Variants in MACROD2 observed in about 807,000 individuals in gnomAD.
The protein encoded by MACROD2 is ADP-ribose glycohydrolase MACROD2.
A neutral mutation model predicts 70.4 loss-of-function variants in MACROD2; 36 were observed. That is an observed-to-expected ratio of 0.51 (90% confidence interval 0.39 to 0.68). The LOEUF (loss-of-function observed/expected upper bound fraction) is 0.68. Among genes scored for constraint, MACROD2 ranks in the 30% least tolerant of loss-of-function variants. The pLI, the probability that MACROD2 is intolerant of heterozygous loss-of-function variation, is 0.00. For synonymous variants in MACROD2, 172 were observed against 178.8 expected (o/e 0.96, Z 0.30); for missense variants, 496 against 538.4 (o/e 0.92, Z 0.78).
At chr20:14,837,496 G>A (rs899108563) in intron 5 of MACROD2, among the ~76,000 whole-genome samples, 8 of 151,950 alleles carry the variant, frequency 5.3e-5, no homozygotes, top group Admixed American at 2.6e-4. Context: ...TCAATAATGT[G>A]TTTCCTCCCA....
At chr20:14,557,204 C>T (rs943052486) in intron 4 of MACROD2, among the ~76,000 whole-genome samples, 2 of 151,918 alleles carry the variant, frequency 1.3e-5, no homozygotes, top group African/African-American at 2.4e-5. Flanking sequence ...CCCTTCCTTA[C>T]ACCATATATA....
Position 15,910,357 on chromosome 20 carries a change from G to A in MACROD2, c.776-22919G>A, listed in dbSNP as rs144547916. 3.6e-3 allele frequency among the ~76,000 whole-genome samples: 546 copies of A among 151,738 alleles called. 2 individuals are homozygous for A. Among genetic ancestry groups the A allele is most frequent in the African/African-American group, 0.013 (523 of 41,326 alleles). ...AATGTGTGTCATCAGAGAAGTAATG[G>A]GAAATTGGGGATTGTGATGTGGCCA... is the stretch of plus-strand genomic sequence containing the variant. On this transcript the variant is annotated intron_variant, in intron 10 of 17. Transcript: ENST00000684519.
chr20:14,489,152 C>T (rs550072460), intron 3 of MACROD2, among the ~76,000 whole-genome samples: 18 of 152,248 alleles, frequency 1.2e-4, no homozygotes, highest in African/African-American at 3.1e-4. Context: ...CATGTGAATC[C>T]GTTAAGCCTA....
intron 4 of MACROD2, among the ~76,000 whole-genome samples, chr20:14,532,570 T>A (rs1291097878): frequency 6.6e-6 from 1 of 152,116 alleles, no homozygotes; most frequent in African/African-American, 2.4e-5. Flanking sequence ...TTAAGAGCCA[T>A]TACTTATTAC....
At chr20:14,226,638 G>T (rs1336790861) in intron 3 of MACROD2, among the ~76,000 whole-genome samples, 1 of 152,188 alleles carries the variant, frequency 6.6e-6, no homozygotes, top group Non-Finnish European at 1.5e-5. Flanking sequence ...GCAATGAGGG[G>T]CTTAGCACCC....
intron 5 of MACROD2, among the ~76,000 whole-genome samples, chr20:14,726,661 G>A (rs2071533718): frequency 6.6e-6 from 1 of 152,120 alleles, no homozygotes; most frequent in Non-Finnish European, 1.5e-5. Context: ...GGCTTAAGTA[G>A]CATTATTGTC....
At chr20:14,261,011 A>C (rs934189157) in intron 3 of MACROD2, among the ~76,000 whole-genome samples, 2 of 152,230 alleles carry the variant, frequency 1.3e-5, no homozygotes, top group African/African-American at 4.8e-5. Context: ...GTACCATCAT[A>C]ATAAGATGTA....
At chr20:15,339,514 A>G (rs1230086066) in intron 6 of MACROD2, among the ~76,000 whole-genome samples, 1 of 151,798 alleles carries the variant, frequency 6.6e-6, no homozygotes, top group Non-Finnish European at 1.5e-5. Flanking sequence ...CGTTTCTAGC[A>G]CTTGACGCCC....
chr20:15,089,773 T>C (rs531013996), intron 5 of MACROD2, among the ~76,000 whole-genome samples: 2 of 152,116 alleles, frequency 1.3e-5, no homozygotes, highest in African/African-American at 4.8e-5. Flanking sequence ...GATTTCTTAT[T>C]TTTTTCAAGA....
intron 3 of MACROD2, among the ~76,000 whole-genome samples, chr20:14,331,444 A>T (rs1374273280): frequency 1.3e-5 from 2 of 152,152 alleles, no homozygotes; most frequent in Non-Finnish European, 2.9e-5. Flanking sequence ...AGTGGTAATA[A>T]TGTGGGATTA....
chr20:14,059,224 A>G (rs1301467380), intron 2 of MACROD2, among the ~76,000 whole-genome samples: 6 of 152,136 alleles, frequency 3.9e-5, no homozygotes, highest in Non-Finnish European at 8.8e-5. Context: ...CGTGATTCAG[A>G]TTAAACTTTA....
At chr20:15,211,959 C>T (rs1306445969) in intron 5 of MACROD2, among the ~76,000 whole-genome samples, 1 of 152,162 alleles carries the variant, frequency 6.6e-6, no homozygotes, top group Non-Finnish European at 1.5e-5. Flanking sequence ...TCCAAAGTGG[C>T]ATTTCCATTC....
At chr20:14,837,115 T>A (rs2073038209) in intron 5 of MACROD2, among the ~76,000 whole-genome samples, 1 of 151,974 alleles carries the variant, frequency 6.6e-6, no homozygotes, top group African/African-American at 2.4e-5. Context: ...CTCAAGAAAA[T>A]TTTGATTCCT....
intron 2 of MACROD2, among the ~76,000 whole-genome samples, chr20:14,068,274 C>T (rs1039528708): frequency 6.6e-6 from 1 of 151,558 alleles, no homozygotes; most frequent in East Asian, 1.9e-4. Flanking sequence ...CCCCCACCCC[C>T]CCTGTGCTCC....
chr20:15,686,390 C>T (rs1054722317), intron 8 of MACROD2, among the ~76,000 whole-genome samples: 4 of 152,000 alleles, frequency 2.6e-5, no homozygotes, highest in African/African-American at 9.7e-5. Flanking sequence ...CTTTAGAAAA[C>T]AGGGGCTACT....
intron 2 of MACROD2, among the ~76,000 whole-genome samples, chr20:14,040,472 T>C (rs1764978412): frequency 6.6e-6 from 1 of 152,180 alleles, no homozygotes; most frequent in South Asian, 2.1e-4. Context: ...GAATAAGTTC[T>C]TTAGTAGTGA....
At chr20:14,832,266 A>G (rs2072979283) in intron 5 of MACROD2, among the ~76,000 whole-genome samples, 1 of 151,704 alleles carries the variant, frequency 6.6e-6, no homozygotes, top group South Asian at 2.1e-4. Context: ...CGAGTTCTTT[A>G]ACTACTTGAT....
chr20:15,101,902 C>T (rs1320953715), intron 5 of MACROD2, among the ~76,000 whole-genome samples: 7 of 151,898 alleles, frequency 4.6e-5, no homozygotes, highest in Non-Finnish European at 1.0e-4. Flanking sequence ...TATTCGCTTT[C>T]TCCCTTAAGC....
chr20:14,069,434 C>T (rs2053810271), intron 2 of MACROD2, among the ~76,000 whole-genome samples: 1 of 151,774 alleles, frequency 6.6e-6, no homozygotes, highest in Non-Finnish European at 1.5e-5. Context: ...TTCAGATTTA[C>T]AACACAGTAT....
Sources: allele counts gnomAD v4.1 joint callset (sites outside exome capture counted in the v4.1 genomes callset), GRCh38; gene constraint gnomAD v4.1.1; transcripts MANE v1.5; gene names NCBI Gene and HGNC (gene_info 2026-07-23, HGNC 2026-07-21).